The following ADSS1 variants were observed in gnomAD, a reference collection of about 807,000 sequenced individuals.
ADSS1 encodes adenylosuccinate synthase 1.
In ADSS1, 57 loss-of-function variants were observed where a neutral mutation model predicts 59.1. That is an observed-to-expected ratio of 0.97 (90% CI 0.78 to 1.20). The LOEUF (loss-of-function observed/expected upper bound fraction) is 1.20, where lower values mean the gene tolerates loss of function less well. Among genes scored for constraint, ADSS1 ranks in the 50% most tolerant of loss-of-function variants. The probability of loss-of-function intolerance (pLI) is 0.00; values close to 1 mark genes in which losing one functional copy is unlikely to be tolerated. For synonymous variants in ADSS1, 247 were observed against 249.4 expected, an observed-to-expected ratio of 0.99 and a Z score of 0.09; for missense variants, 603 against 610.3, an observed-to-expected ratio of 0.99 and a Z score of 0.13.
intron 1 of ADSS1, among the ~76,000 whole-genome samples, chr14:104,725,100 C>A (rs111645072): frequency 1.4e-3 from 213 of 152,284 alleles, no homozygotes; most frequent in African/African-American, 5.0e-3. Context: ...GGGCCACAGA[C>A]TTCTGGCCAG....
intron 10 of ADSS1, 102 bp from the exon 11 acceptor site, chr14:104,744,710 C>A: frequency 1.8e-6 from 2 of 1,121,828 alleles, no homozygotes; most frequent in Non-Finnish European, 2.7e-6. Context: ...GACTGGGGAC[C>A]CCTGCTGTAA....
Position 104,741,297 on chromosome 14 carries a change from C to A in ADSS1, c.793+54C>A, listed in dbSNP as rs536857095. On this transcript the variant is annotated intron_variant, in intron 8 of 12. Transcript: ENST00000330877. ...GACCTTTCGTGCCTGCCAGGGAAGA[C>A]CCAGCTGCGGAGAGCCGTGGGAACC... 2.0e-5 allele frequency: 30 copies of A among 1,513,464 alleles called. No individual in the cohort carries two copies. The South Asian group carries it at 3.2e-4, about 16-fold the overall frequency. The allele number at this position is 1,513,464 out of a possible 1,614,324, so 93.8% of individuals were successfully genotyped here.
chr14:104,736,768 T>C (rs67325187), intron 2 of ADSS1, among the ~76,000 whole-genome samples: 15,611 of 151,402 alleles, frequency 0.1, 1,457 homozygotes, highest in East Asian at 0.52. Context: ...CAGGCTGGAA[T>C]GCAATGGCAC....
At position 104,740,513 on chromosome 14, in the gene ADSS1, T is replaced by G; in HGVS notation, c.477-88T>G. 1 of 1,209,470 alleles carries G rather than the reference T, an allele frequency of 8.3e-7. No individual in the cohort carries two copies. 74.9% of individuals were successfully genotyped at this position (1,209,470 alleles called of 1,614,324 possible). On this transcript the variant is annotated intron_variant, in intron 5 of 12. Coordinates refer to ENST00000330877, the MANE Select transcript of ADSS1 (RefSeq NM_152328.5). This position sits in a 1 kb window ranked among gnomAD's most constrained non-coding sequence, Gnocchi z 4.8. Reference sequence around the variant, plus strand: ...GCAGCAATGGTGGGCACTGGAGTCATGAGCCGGCGGGGGTCATGGCCTCAG... The same window carrying G: ...GCAGCAATGGTGGGCACTGGAGTCAGGAGCCGGCGGGGGTCATGGCCTCAG...
intron 1 of ADSS1, among the ~76,000 whole-genome samples, chr14:104,730,466 G>A (rs1202932731): frequency 6.6e-6 from 1 of 152,076 alleles, no homozygotes; most frequent in African/African-American, 2.4e-5. Context: ...CTCCAACCTG[G>A]GCGACAGAGT....
At chr14:104,730,573 T>C (rs1043050378) in intron 1 of ADSS1, among the ~76,000 whole-genome samples, 3 of 152,082 alleles carry the variant, frequency 2.0e-5, no homozygotes, top group African/African-American at 7.2e-5. Context: ...ATAGATGATA[T>C]GGAGAGAGGT....
chr14:104,741,227 C>T lies in ADSS1; in HGVS notation c.777C>T (p.Leu259=). 1 of 1,599,412 alleles carries T rather than the reference C, an allele frequency of 6.3e-7. No homozygotes were observed. Among genetic ancestry groups the T allele is most frequent in the Middle Eastern group, 1.7e-4 (1 of 5,968 alleles). The change falls in exon 8 of 13, where the codon CTC becomes CTT. Residue 259 remains leucine (L), a synonymous_variant. Transcript: ENST00000330877. ...TGGTGGAGGGTGCCAACGCCGCCCT[C>T]CTCGACATTGACTTCGGTATGTCCG... ...KILVEGANAA[L]LDIDFGTYPF...
intron 2 of ADSS1, among the ~76,000 whole-genome samples, chr14:104,736,294 C>T (rs563932692): frequency 1.1e-4 from 16 of 152,334 alleles, no homozygotes; most frequent in Non-Finnish European, 2.4e-4. Context: ...TGGGCAGTAG[C>T]GCTGGCTGGC....
intron 1 of ADSS1, chr14:104,730,234 C>T (rs1484573699): frequency 4.1e-6 from 6 of 1,476,506 alleles, no homozygotes; most frequent in East Asian, 2.5e-5. Context: ...TGGCGTACAT[C>T]TGTAACTCCA....
Position 104,747,185 on chromosome 14 carries a change from T to C in ADSS1, c.*182T>C, listed in dbSNP as rs1008651976. The C allele has an allele frequency of 9.3e-6, 5 of 537,404 alleles. No homozygotes were observed. In the African/African-American group the frequency reaches 9.5e-5, roughly 10 times the overall value. The allele number at this position is 537,404 out of a possible 1,614,324, so 33.3% of individuals were successfully genotyped here. On this transcript the variant is annotated 3_prime_UTR_variant, in exon 13 of 13. Transcript: ENST00000330877. Reference sequence around the variant, plus strand: ...TTTAAACATTGGAAAGCCAGCCTTGTGTATATTTTTAAAAATTATATTCAA... The same window carrying C: ...TTTAAACATTGGAAAGCCAGCCTTGCGTATATTTTTAAAAATTATATTCAA...
intron 1 of ADSS1, chr14:104,730,298 A>G: frequency 7.5e-7 from 1 of 1,341,396 alleles, no homozygotes; most frequent in Non-Finnish European, 9.8e-7. Context: ...GTTCAAGACC[A>G]GCCTGGCCAA....
chr14:104,730,928 TGTGA>T (rs1476238704), intron 1 of ADSS1, among the ~76,000 whole-genome samples: 2 of 108,846 alleles, frequency 1.8e-5, no homozygotes, highest in Non-Finnish European at 3.5e-5. Context: ...CCCTAGGGAC[TGTGA>T]GTGACAAGCC....
At position 104,739,772 on chromosome 14, in the gene ADSS1, C is replaced by G. The variant is rs753593522; in HGVS notation, c.432C>G (p.Val144=). 5.0e-6 allele frequency: 8 copies of G among 1,613,786 alleles called. No individual in the cohort carries two copies. Among genetic ancestry groups the G allele is most frequent in the Non-Finnish European group, 4.2e-6 (5 of 1,180,002 alleles). ...AHLVFDFHQA[V]DGLQEVQRQA... is the part of the protein sequence containing the mutation. Reference sequence around the variant, plus strand: ...CAGTGTTTGATTTTCACCAGGCTGTCGACGGACTTCAGGAAGTGCAGCGCC... The same window carrying G: ...CAGTGTTTGATTTTCACCAGGCTGTGGACGGACTTCAGGAAGTGCAGCGCC... Residue 144 remains valine (V), a synonymous_variant, in exon 5 of 13, where the codon GTC becomes GTG. Transcript: ENST00000330877.
intron 2 of ADSS1, 68 bp from the exon 3 acceptor site, chr14:104,738,308 G>C: frequency 6.4e-7 from 1 of 1,558,610 alleles, no homozygotes; most frequent in East Asian, 2.3e-5. Context: ...ATTTCATGCT[G>C]TTCTTAATGT....
At chr14:104,725,257 G>A (rs1169979710) in intron 1 of ADSS1, among the ~76,000 whole-genome samples, 2 of 152,186 alleles carry the variant, frequency 1.3e-5, no homozygotes, top group Non-Finnish European at 2.9e-5. Flanking sequence ...CTCTCGGGCC[G>A]CCACCCTGGG....
At chr14:104,732,013 G>A (rs1029755625) in intron 1 of ADSS1, among the ~76,000 whole-genome samples, 2 of 152,184 alleles carry the variant, frequency 1.3e-5, no homozygotes, top group South Asian at 4.1e-4. Context: ...AGCAGCCTCC[G>A]GACTGCCCTG....
chr14:104,742,018 C>G lies in ADSS1; in HGVS notation c.948+16C>G. 1.2e-6 allele frequency: 2 copies of G among 1,611,616 alleles called. No homozygotes were observed. The highest frequency in any genetic ancestry group is 1.7e-6 in the Non-Finnish European group (2 of 1,179,320). On this transcript the variant is annotated intron_variant, in intron 9 of 12. Coordinates refer to ENST00000330877, the MANE Select transcript of ADSS1 (RefSeq NM_152328.5). ...GCAGATCAACGTGAGTCCCCAGCCC[C>G]TCGGGACCCCGTGGGAGGACAGGGA...
chr14:104,739,502 C>T, intron 4 of ADSS1, 124 bp downstream of exon 4: 2 of 1,162,304 alleles, frequency 1.7e-6, no homozygotes, highest in Non-Finnish European at 2.5e-6. Context: ...CACATGGCTC[C>T]ATTAGCTTGT....
intron 1 of ADSS1, among the ~76,000 whole-genome samples, chr14:104,725,594 C>T (rs527616784): frequency 2.2e-4 from 34 of 152,272 alleles, no homozygotes; most frequent in African/African-American, 8.2e-4. Context: ...GGACCTCCCC[C>T]CTTGCTCTCC....
Sources: gnomAD v4.1 joint callset for allele counts (sites outside exome capture counted in the v4.1 genomes callset) on GRCh38, gnomAD v4.1.1 for gene constraint, Gnocchi (gnomAD v3.1) non-coding constraint, MANE v1.5 for transcripts, NCBI Gene and HGNC (gene_info 2026-07-23, HGNC 2026-07-21) for gene names.